KIAA1328: variants seen among roughly 807,000 people sequenced by gnomAD.
The protein encoded by KIAA1328 is KIAA1328, also known as protein hinderin.
Under a neutral mutation model 68.1 loss-of-function variants are expected in KIAA1328, and 52 were observed. The observed-to-expected ratio is 0.76, with a 90% CI of 0.61 to 0.96. The LOEUF (loss-of-function observed/expected upper bound fraction) is 0.96. KIAA1328 is among the 40% of genes least tolerant of loss of function. The probability of loss-of-function intolerance (pLI) is 0.00; values close to 1 mark genes in which losing one functional copy is unlikely to be tolerated. For missense variants in KIAA1328, 641 were observed against 677.6 expected, an observed-to-expected ratio of 0.95 and a Z score of 0.60; for synonymous variants, 232 against 239.4, an observed-to-expected ratio of 0.97 and a Z score of 0.28.
intron 7 of KIAA1328, among the ~76,000 whole-genome samples, chr18:37,096,627 G>T (rs537977614): frequency 1.3e-5 from 2 of 152,308 alleles, no homozygotes; most frequent in South Asian, 4.1e-4. Context: ...GGTATTTCTA[G>T]TTCGAGATCC....
intron 7 of KIAA1328, among the ~76,000 whole-genome samples, chr18:37,109,965 C>T (rs541640780): frequency 2.8e-4 from 43 of 151,802 alleles, no homozygotes; most frequent in Admixed American, 1.2e-3. Flanking sequence ...TCTTGTCACA[C>T]TGTGGACCAG....
chr18:37,014,705 C>T (rs112822028), intron 6 of KIAA1328, among the ~76,000 whole-genome samples: 1 of 152,064 alleles, frequency 6.6e-6, no homozygotes, highest in African/African-American at 2.4e-5. Context: ...ACAACCAAAT[C>T]TCATGAGAAC....
At chr18:36,907,025 C>T (rs899673219) in intron 5 of KIAA1328, among the ~76,000 whole-genome samples, 12 of 151,960 alleles carry the variant, frequency 7.9e-5, no homozygotes, top group Admixed American at 2.0e-4. Flanking sequence ...GCTTGCAGAC[C>T]GTACGTCTGT....
At chr18:36,910,852 T>A (rs549830168) in intron 5 of KIAA1328, among the ~76,000 whole-genome samples, 1 of 152,240 alleles carries the variant, frequency 6.6e-6, no homozygotes, top group South Asian at 2.1e-4. Flanking sequence ...CAGGAGGCAT[T>A]GAGTGTTTCT....
At chr18:36,901,648 T>C (rs1441183740) in intron 5 of KIAA1328, among the ~76,000 whole-genome samples, 1 of 152,040 alleles carries the variant, frequency 6.6e-6, no homozygotes. Context: ...CTATTGACTC[T>C]TAATGGACCT....
At chr18:36,887,044 A>G (rs2048524775) in intron 5 of KIAA1328, among the ~76,000 whole-genome samples, 1 of 151,810 alleles carries the variant, frequency 6.6e-6, no homozygotes, top group Non-Finnish European at 1.5e-5. Context: ...ACAAGTCTAG[A>G]TGAGTGCTTT....
intron 5 of KIAA1328, chr18:36,925,111 T>C (rs2050064906): frequency 6.6e-6 from 1 of 152,196 alleles, no homozygotes. Context: ...AGATTATGTA[T>C]GGTAATATGA....
chr18:37,090,283 T>G (rs149660918), intron 7 of KIAA1328, among the ~76,000 whole-genome samples: 8 of 152,254 alleles, frequency 5.3e-5, no homozygotes, highest in Admixed American at 2.0e-4. Context: ...AATATCCAAA[T>G]AAATAAAATT....
intron 7 of KIAA1328, among the ~76,000 whole-genome samples, chr18:37,076,246 C>A (rs200013953): frequency 4.0e-5 from 6 of 151,548 alleles, no homozygotes; most frequent in African/African-American, 7.3e-5. Flanking sequence ...GGGTACATAA[C>A]GAAATGAAGG....
At chr18:37,076,775 C>G (rs2056753460) in intron 7 of KIAA1328, among the ~76,000 whole-genome samples, 1 of 151,886 alleles carries the variant, frequency 6.6e-6, no homozygotes, top group Non-Finnish European at 1.5e-5. Context: ...CCTCCCAAGA[C>G]TAAACCAGGA....
intron 5 of KIAA1328, among the ~76,000 whole-genome samples, chr18:36,893,465 T>TTTTG (rs1556812093): frequency 5.0e-5 from 6 of 120,596 alleles, no homozygotes; most frequent in African/African-American, 2.0e-4. Flanking sequence ...GTGTGTGTTT[T>TTTTG]TGTGTGTGTG....
intron 7 of KIAA1328, among the ~76,000 whole-genome samples, chr18:37,082,267 G>A (rs2056974264): frequency 6.7e-6 from 1 of 150,180 alleles, no homozygotes; most frequent in Admixed American, 6.7e-5. Context: ...TGTCTCCTGG[G>A]TTCAAGCGAT....
At chr18:36,847,333 C>T (rs187537813) in intron 4 of KIAA1328, among the ~76,000 whole-genome samples, 324 of 151,634 alleles carry the variant, frequency 2.1e-3, no homozygotes, top group African/African-American at 7.3e-3. Context: ...CCAACCGCTT[C>T]CCAATGTGAT....
At chr18:37,122,549 A>G (rs1445737683) in intron 7 of KIAA1328, among the ~76,000 whole-genome samples, 1 of 152,176 alleles carries the variant, frequency 6.6e-6, no homozygotes, top group African/African-American at 2.4e-5. Context: ...TCCCAGTGAT[A>G]TAGGACCTAG....
intron 7 of KIAA1328, among the ~76,000 whole-genome samples, chr18:37,089,426 G>A (rs2057205181): frequency 7.0e-6 from 1 of 143,448 alleles, no homozygotes; most frequent in Non-Finnish European, 1.5e-5. Flanking sequence ...CCGGGCTGGA[G>A]TGCAGTGTCA....
chr18:37,033,606 C>T (rs1246201645), intron 6 of KIAA1328, among the ~76,000 whole-genome samples: 1 of 152,166 alleles, frequency 6.6e-6, no homozygotes, highest in African/African-American at 2.4e-5. Context: ...TTACAACTCC[C>T]TGGTAACAAC....
intron 5 of KIAA1328, among the ~76,000 whole-genome samples, chr18:36,934,363 GGTTA>G (rs1365490104): frequency 6.6e-6 from 1 of 151,836 alleles, no homozygotes; most frequent in Non-Finnish European, 1.5e-5. Flanking sequence ...ACAATGTGCA[GGTTA>G]GTTACATATG....
At chr18:36,869,870 T>TC (rs1388375791) in intron 4 of KIAA1328, among the ~76,000 whole-genome samples, 1 of 152,106 alleles carries the variant, frequency 6.6e-6, no homozygotes, top group East Asian at 1.9e-4. Context: ...AAGTGTTTAT[T>TC]CTTTTTTTTT....
chr18:36,875,774 T>C (rs2048101029), intron 4 of KIAA1328, among the ~76,000 whole-genome samples: 2 of 152,232 alleles, frequency 1.3e-5, no homozygotes, highest in Admixed American at 1.3e-4. Context: ...TTCCAGCTTT[T>C]CCCCAATCAG....
Sources: gnomAD v4.1 joint callset for allele counts (sites outside exome capture counted in the v4.1 genomes callset) on GRCh38, gnomAD v4.1.1 for gene constraint, MANE v1.5 for transcripts, NCBI Gene and HGNC (gene_info 2026-07-23, HGNC 2026-07-21) for gene names.